The following DNER variants were observed in gnomAD, a reference collection of about 807,000 sequenced individuals.
DNER encodes the protein delta/notch like EGF repeat containing, also known as delta and Notch-like epidermal growth factor-related receptor.
In DNER, 33 loss-of-function variants were observed where a neutral mutation model predicts 78.2. That is an observed-to-expected ratio of 0.42 (90% CI 0.32 to 0.56). DNER has a LOEUF of 0.56. Ranked by LOEUF, DNER falls within the 20% of genes least tolerant of loss-of-function variation. DNER has a pLI of 0.11. For missense variants in DNER, 918 were observed against 975.3 expected (o/e 0.94, Z 0.78); for synonymous variants, 417 against 384.8 (o/e 1.08, Z -0.98).
intron 5 of DNER, among the ~76,000 whole-genome samples, chr2:229,543,433 C>T (rs529127213): frequency 6.6e-6 from 1 of 152,308 alleles, no homozygotes; most frequent in East Asian, 1.9e-4. Flanking sequence ...AGTAACATGA[C>T]GACCGCCTTA....
intron 11 of DNER, among the ~76,000 whole-genome samples, chr2:229,377,061 C>T (rs2106330579): frequency 6.6e-6 from 1 of 152,238 alleles, no homozygotes; most frequent in East Asian, 1.9e-4. Context: ...GGTGGCTGTG[C>T]AAAGCCTTAC....
At chr2:229,609,548 G>A (rs1698005771) in intron 1 of DNER, among the ~76,000 whole-genome samples, 1 of 152,186 alleles carries the variant, frequency 6.6e-6, no homozygotes, top group Non-Finnish European at 1.5e-5. Flanking sequence ...CGGCACAGGT[G>A]AACGGTTGCC....
At chr2:229,534,296 C>T (rs183150097) in intron 5 of DNER, among the ~76,000 whole-genome samples, 63 of 150,530 alleles carry the variant, frequency 4.2e-4, no homozygotes, top group African/African-American at 1.4e-3. Context: ...ATAAAATAGA[C>T]CAATAGATTG....
At chr2:229,470,175 A>C (rs6723327) in intron 7 of DNER, among the ~76,000 whole-genome samples, 53,905 of 151,432 alleles carry the variant, frequency 0.36, 11,149 homozygotes, top group African/African-American at 0.58. Context: ...ATCTTGACAC[A>C]CACCTTTAGA....
At chr2:229,404,372 G>A (rs1236107626) in intron 10 of DNER, among the ~76,000 whole-genome samples, 2 of 152,156 alleles carry the variant, frequency 1.3e-5, no homozygotes, top group Non-Finnish European at 2.9e-5. Context: ...GACAGAATGA[G>A]AGCCAGCAGG....
chr2:229,491,569 T>C (rs1288854911), intron 6 of DNER, among the ~76,000 whole-genome samples: 1 of 152,238 alleles, frequency 6.6e-6, no homozygotes, highest in Admixed American at 6.5e-5. Context: ...CCCCTGATAG[T>C]CACACTGTTT....
chr2:229,510,631 A>G (rs1471357469), intron 6 of DNER, among the ~76,000 whole-genome samples: 1 of 152,232 alleles, frequency 6.6e-6, no homozygotes. Flanking sequence ...TCTGGCTTCT[A>G]GAAATGGATG....
Position 229,591,527 on chromosome 2 carries a change from C to T in DNER, c.585+53G>A. 6.5e-7 allele frequency: 1 copy of T among 1,550,038 alleles called. No individual in the cohort carries two copies. The stretch of plus-strand genomic sequence containing the variant: ...GCTGATACTAGAACCGCTGGAGTCA[C>T]TTTAAGATTTCTGGTTTCTAATGTA... On this transcript the variant is annotated intron_variant, in intron 2 of 12. Transcript: ENST00000341772. The surrounding 1 kb of genome is among the most constrained non-coding windows in gnomAD (Gnocchi z 4.6).
chr2:229,395,313 TAC>T (rs777786388), intron 10 of DNER, among the ~76,000 whole-genome samples: 24 of 152,214 alleles, frequency 1.6e-4, no homozygotes, highest in Non-Finnish European at 3.1e-4. Context: ...GTGGTTTGGA[TAC>T]CTAAAGGCTA....
chr2:229,393,428 AAAAAAT>A (rs1693061226), intron 10 of DNER, among the ~76,000 whole-genome samples: 1 of 152,092 alleles, frequency 6.6e-6, no homozygotes, highest in African/African-American at 2.4e-5. Flanking sequence ...TCCGTCTCAA[AAAAAAT>A]AAAAATAAAA....
At chr2:229,703,619 A>G (rs760985700) in intron 1 of DNER, among the ~76,000 whole-genome samples, 5 of 152,210 alleles carry the variant, frequency 3.3e-5, no homozygotes, top group Non-Finnish European at 5.9e-5. Context: ...TGGCTGATGC[A>G]TGTAGTCCTA....
At chr2:229,407,676 CA>C (rs1693417533) in intron 9 of DNER, among the ~76,000 whole-genome samples, 1 of 152,030 alleles carries the variant, frequency 6.6e-6, no homozygotes, top group Non-Finnish European at 1.5e-5. Context: ...TATAAGTCTC[CA>C]AAAGAAACAG....
chr2:229,667,285 G>A (rs1381031707), intron 1 of DNER, among the ~76,000 whole-genome samples: 1 of 152,174 alleles, frequency 6.6e-6, no homozygotes, highest in African/African-American at 2.4e-5. Flanking sequence ...GGGTTGAAAG[G>A]ATTGCACAGC....
chr2:229,510,494 T>C (rs1041633553), intron 6 of DNER, among the ~76,000 whole-genome samples: 4 of 152,020 alleles, frequency 2.6e-5, no homozygotes, highest in African/African-American at 9.7e-5. Flanking sequence ...CCTGAAGGTG[T>C]TGGCAGTGGG....
chr2:229,623,212 C>G (rs966240200), intron 1 of DNER, among the ~76,000 whole-genome samples: 1 of 152,112 alleles, frequency 6.6e-6, no homozygotes, highest in Non-Finnish European at 1.5e-5. Flanking sequence ...CGACAATCAC[C>G]GCTTTCGATG....
In DNER at chr2:229,462,529, A is replaced by G. The variant is rs534996480; in HGVS notation, c.1261+14611T>C. 1.5e-4 allele frequency among the ~76,000 whole-genome samples: 23 copies of G among 152,124 alleles called. 1 individual carries two copies. The South Asian group carries it at 2.7e-3, about 18-fold the overall frequency. ...CTTATAGACACTATCTCCAAAATACATCATGAACCCAAACACTTTCTTGCA... is the reference window on the plus strand; with the variant it reads ...CTTATAGACACTATCTCCAAAATACGTCATGAACCCAAACACTTTCTTGCA... On this transcript the variant is annotated intron_variant, in intron 7 of 12. Transcript: ENST00000341772.
At chr2:229,507,080 A>T (rs1312129271) in intron 6 of DNER, among the ~76,000 whole-genome samples, 1 of 152,242 alleles carries the variant, frequency 6.6e-6, no homozygotes, top group Non-Finnish European at 1.5e-5. Context: ...CAACTGCAAC[A>T]CAATGATAAG....
intron 1 of DNER, among the ~76,000 whole-genome samples, chr2:229,632,069 A>G (rs1698441890): frequency 6.6e-6 from 1 of 152,240 alleles, no homozygotes; most frequent in African/African-American, 2.4e-5. Flanking sequence ...TTGTCAAAAT[A>G]TAGCGCTGTG....
At chr2:229,381,549 A>G (rs543145091) in intron 11 of DNER, among the ~76,000 whole-genome samples, 1 of 152,238 alleles carries the variant, frequency 6.6e-6, no homozygotes, top group Non-Finnish European at 1.5e-5. Context: ...CACTACCAGC[A>G]CAGCAGTCTG....
Sources: allele counts gnomAD v4.1 joint callset (sites outside exome capture counted in the v4.1 genomes callset), GRCh38; gene constraint gnomAD v4.1.1; non-coding constraint Gnocchi (gnomAD v3.1); transcripts MANE v1.5; gene names NCBI Gene and HGNC (gene_info 2026-07-23, HGNC 2026-07-21).